MRPS6: variants seen among roughly 807,000 people sequenced by gnomAD.
MRPS6 encodes the protein small ribosomal subunit protein bS6m.
In MRPS6, 6 loss-of-function variants were observed where a neutral mutation model predicts 13.1. The observed-to-expected ratio is 0.46, with a 90% CI of 0.25 to 0.91. The LOEUF (loss-of-function observed/expected upper bound fraction) is 0.91, where lower values mean the gene tolerates loss of function less well. Ranked by LOEUF, MRPS6 falls within the 40% of genes least tolerant of loss-of-function variation. MRPS6 has a pLI of 0.18. For synonymous variants in MRPS6, 61 were observed against 56.5 expected (o/e 1.08, Z -0.36); for missense variants, 164 against 155.6 (o/e 1.05, Z -0.29).
intron 1 of MRPS6, among the ~76,000 whole-genome samples, chr21:34,089,531 A>T (rs1978573124): frequency 6.6e-6 from 1 of 152,208 alleles, no homozygotes; most frequent in Non-Finnish European, 1.5e-5. Flanking sequence ...AATCAGGTTA[A>T]AATGAATATA....
At chr21:34,136,483 G>A (rs1428521010) in intron 2 of MRPS6, among the ~76,000 whole-genome samples, 1 of 152,186 alleles carries the variant, frequency 6.6e-6, no homozygotes, top group African/African-American at 2.4e-5. Flanking sequence ...CCAACACTTG[G>A]TGTGGTCAGC....
At chr21:34,112,629 TTC>T (rs765734117) in intron 1 of MRPS6, among the ~76,000 whole-genome samples, 37 of 152,108 alleles carry the variant, frequency 2.4e-4, no homozygotes, top group Non-Finnish European at 4.6e-4. Flanking sequence ...CTTACCTACT[TTC>T]TGTCTGTATT....
intron 1 of MRPS6, among the ~76,000 whole-genome samples, chr21:34,121,501 AT>A (rs1213156641): frequency 1.3e-5 from 2 of 150,582 alleles, no homozygotes; most frequent in Non-Finnish European, 3.0e-5. Context: ...TTCTTTCTGT[AT>A]TTTTTTTTCA....
At chr21:34,133,038 G>A (rs1336018970) in intron 2 of MRPS6, among the ~76,000 whole-genome samples, 3 of 152,072 alleles carry the variant, frequency 2.0e-5, no homozygotes, top group Non-Finnish European at 4.4e-5. Flanking sequence ...AGGGCTGCTG[G>A]ACCCCAACCA....
At chr21:34,115,839 A>G (rs926334101) in intron 1 of MRPS6, among the ~76,000 whole-genome samples, 1 of 150,972 alleles carries the variant, frequency 6.6e-6, no homozygotes, top group African/African-American at 2.4e-5. Context: ...AAAATGGAAT[A>G]CTCCACTTGT....
At position 34,094,979 on chromosome 21, in the gene MRPS6, A is replaced by G. The variant is rs79686588; in HGVS notation, c.45+21234A>G. On this transcript the variant is annotated intron_variant, in intron 1 of 2. Transcript: ENST00000399312. Reference sequence around the variant, plus strand: ...ATTAAGAGTACGAGCTAAGTTCTCAATCCCAATTAAGAAGCGGAAAATTTA... The same window carrying G: ...ATTAAGAGTACGAGCTAAGTTCTCAGTCCCAATTAAGAAGCGGAAAATTTA... 1,037 of 543,782 alleles carry G rather than the reference A, an allele frequency of 1.9e-3. 29 individuals carry two copies. The East Asian group carries it at 0.027, about 14-fold the overall frequency. The allele number at this position is 543,782 out of a possible 1,614,324, so 33.7% of individuals were successfully genotyped here. A position where few individuals can be genotyped will look rare whatever the true frequency, so the allele number is the denominator to read the frequency against.
chr21:34,125,320 TA>T lies in MRPS6; in HGVS notation c.46-16del, dbSNP rs780273416. ...TTCTGATGCTTTTTTTTCTTTTCTT[TA>T]AAAACACAAACAAAAACAGCCAGAG... On this transcript the variant is annotated intron_variant, in intron 1 of 2. Transcript: ENST00000399312. 3 of 1,602,648 alleles carry T rather than the reference TA, an allele frequency of 1.9e-6. No individual in the cohort carries two copies. Among genetic ancestry groups the T allele is most frequent in the Non-Finnish European group, 2.5e-6 (3 of 1,176,742 alleles).
At chr21:34,092,596 T>C (rs1050122005) in intron 1 of MRPS6, among the ~76,000 whole-genome samples, 7 of 152,222 alleles carry the variant, frequency 4.6e-5, no homozygotes, top group Non-Finnish European at 8.8e-5. Context: ...CAGCAGAATA[T>C]AGCTTCTATA....
rs187913698 is a variant in MRPS6, at chr21:34,075,085, T to C, written c.45+1340T>C. Among the ~76,000 whole-genome samples the C allele has an allele frequency of 3.9e-5, 6 of 152,388 alleles. No individual in the cohort carries two copies. In the East Asian group the frequency reaches 9.6e-4, roughly 24 times the overall value. On this transcript the variant is annotated intron_variant, in intron 1 of 2. Transcript: ENST00000399312. ...ACCAGCATATGTAACTCCGAAAGGATAGGAGCAGTGAAAACAAAGCATTAT... is the reference window on the plus strand; with the variant it reads ...ACCAGCATATGTAACTCCGAAAGGACAGGAGCAGTGAAAACAAAGCATTAT...
At chr21:34,112,944 G>A (rs1198696863) in intron 1 of MRPS6, among the ~76,000 whole-genome samples, 3 of 152,038 alleles carry the variant, frequency 2.0e-5, no homozygotes, top group East Asian at 3.9e-4. Context: ...ATCGCTTGAC[G>A]TCAGGAGTTT....
intron 2 of MRPS6, among the ~76,000 whole-genome samples, chr21:34,142,184 G>A (rs563855633): frequency 2.0e-5 from 3 of 152,318 alleles, no homozygotes; most frequent in East Asian, 3.9e-4. Context: ...TTTCACAAGA[G>A]TGTAATGGGA....
chr21:34,097,734 A>G, intron 1 of MRPS6: 1 of 1,006,720 alleles, frequency 9.9e-7, no homozygotes, highest in Non-Finnish European at 1.2e-6. Context: ...AGATTTGCTC[A>G]TTTCTAAATT....
intron 1 of MRPS6, among the ~76,000 whole-genome samples, chr21:34,091,716 A>C (rs972089791): frequency 2.0e-5 from 3 of 152,204 alleles, no homozygotes; most frequent in African/African-American, 4.8e-5. Flanking sequence ...CTTTCTGAGA[A>C]GGATGCCTTC....
At chr21:34,119,766 A>G (rs1427140821) in intron 1 of MRPS6, among the ~76,000 whole-genome samples, 1 of 152,168 alleles carries the variant, frequency 6.6e-6, no homozygotes, top group Non-Finnish European at 1.5e-5. Context: ...CTCTTCTGGG[A>G]TGAAAATATG....
At chr21:34,115,650 A>T (rs900074916) in intron 1 of MRPS6, among the ~76,000 whole-genome samples, 1 of 152,188 alleles carries the variant, frequency 6.6e-6, no homozygotes, top group Non-Finnish European at 1.5e-5. Context: ...TCAGTGTCCA[A>T]GTGTAGATCT....
chr21:34,121,049 G>A (rs1185763945), intron 1 of MRPS6, among the ~76,000 whole-genome samples: 2 of 152,134 alleles, frequency 1.3e-5, no homozygotes, highest in South Asian at 2.1e-4. Context: ...CATTTTAGAC[G>A]TTGGGAATAC....
rs1449534951 is a variant in MRPS6 at position 34,142,495 on chromosome 21, G to A, written c.273G>A (p.Gly91=). Reference sequence around the variant, plus strand: ...CTCGAGATATAGATGTGATTAGAGGGAATATTGTCAAACACCCTCTGACCC... The same window carrying A: ...CTCGAGATATAGATGTGATTAGAGGAAATATTGTCAAACACCCTCTGACCC... ...HLSRDIDVIR[G]NIVKHPLTQE... is the part of the protein sequence containing the mutation. The change falls in exon 3 of 3, where the codon GGG becomes GGA. Residue 91 remains glycine, a synonymous_variant. Transcript: ENST00000399312. 11 of 1,612,906 alleles carry A rather than the reference G, an allele frequency of 6.8e-6. No homozygotes were observed. Among genetic ancestry groups the A allele is most frequent in the Non-Finnish European group, 9.3e-6 (11 of 1,179,588 alleles).
At chr21:34,135,453 A>G in intron 2 of MRPS6, 1 of 482,978 alleles carries the variant, frequency 2.1e-6, no homozygotes, top group South Asian at 1.6e-5. Flanking sequence ...ACTTGGCCAC[A>G]CATGCCAGCT....
chr21:34,106,120 T>G (rs1452740966), intron 1 of MRPS6: 2 of 997,574 alleles, frequency 2.0e-6, no homozygotes, highest in Non-Finnish European at 2.4e-6. Context: ...CCTTCAAAAG[T>G]ATTTGGAAAC....
Sources: allele counts gnomAD v4.1 joint callset (sites outside exome capture counted in the v4.1 genomes callset), GRCh38; gene constraint gnomAD v4.1.1; transcripts MANE v1.5; gene names NCBI Gene and HGNC (gene_info 2026-07-23, HGNC 2026-07-21).